Variants in TESMIN observed in about 807,000 individuals in gnomAD.
TESMIN encodes testis expressed metallothionein like protein.
Under a neutral mutation model 47.4 loss-of-function variants are expected in TESMIN, and 34 were observed. The observed-to-expected ratio is 0.72, with a 90% CI of 0.55 to 0.96. The LOEUF (loss-of-function observed/expected upper bound fraction) is 0.96, where lower values mean the gene tolerates loss of function less well. Among genes scored for constraint, TESMIN ranks in the 40% least tolerant of loss-of-function variants. TESMIN has a pLI of 0.00. For synonymous variants in TESMIN, 278 were observed against 258.9 expected (o/e 1.07, Z -0.71); for missense variants, 610 against 637.2 (o/e 0.96, Z 0.46).
chr11:68,720,548 A>C (rs944214587), intron 6 of TESMIN, among the ~76,000 whole-genome samples: 3 of 152,164 alleles, frequency 2.0e-5, no homozygotes, highest in African/African-American at 4.8e-5. Context: ...CCCAGCTTCC[A>C]GTCAGAAATC....
At chr11:68,741,263 G>A (rs36054721) in intron 5 of TESMIN, among the ~76,000 whole-genome samples, 1 of 152,200 alleles carries the variant, frequency 6.6e-6, no homozygotes, top group East Asian at 1.9e-4. Flanking sequence ...CACTATCCCA[G>A]GCCCAGTGGC....
intron 9 of TESMIN, among the ~76,000 whole-genome samples, chr11:68,709,358 G>T (rs960407726): frequency 6.6e-6 from 1 of 152,170 alleles, no homozygotes; most frequent in African/African-American, 2.4e-5. Context: ...TGTCCTCCCC[G>T]CAGGCCCACG....
At chr11:68,725,749 A>C (rs890091554) in intron 6 of TESMIN, among the ~76,000 whole-genome samples, 2 of 152,194 alleles carry the variant, frequency 1.3e-5, no homozygotes, top group Non-Finnish European at 2.9e-5. Context: ...CTGGGACTAC[A>C]GGTGTGAGCT....
At chr11:68,736,518 A>T in intron 6 of TESMIN, 1 of 985,436 alleles carries the variant, frequency 1.0e-6, no homozygotes, top group Non-Finnish European at 1.2e-6. Context: ...ACCACCAAAA[A>T]TAAATTGGTA....
chr11:68,721,426 A>G (rs1946202217), intron 6 of TESMIN, among the ~76,000 whole-genome samples: 2 of 152,060 alleles, frequency 1.3e-5, no homozygotes, highest in South Asian at 4.1e-4. Context: ...TGCTTGCTCA[A>G]CACGTCCCAC....
intron 7 of TESMIN, among the ~76,000 whole-genome samples, chr11:68,714,570 C>T (rs1946113167): frequency 6.6e-6 from 1 of 152,220 alleles, no homozygotes; most frequent in African/African-American, 2.4e-5. Context: ...CGGCTGCCTC[C>T]CTCAGATAAC....
intron 6 of TESMIN, among the ~76,000 whole-genome samples, chr11:68,726,280 C>T (rs1477002939): frequency 6.6e-6 from 1 of 152,072 alleles, no homozygotes; most frequent in African/African-American, 2.4e-5. Flanking sequence ...AGGAGGCTCA[C>T]TTCAGGTTGA....
Position 68,708,467 on chromosome 11 carries a change from C to A in TESMIN, c.1368G>T (p.Val456=), listed in dbSNP as rs1456327713. ...RPSSCISWEV[V]EATCACLLAQ... ...CAAGCAGGCAGGCGCATGTGGCCTC[C>A]ACCACCTCCCAGGAGATGCATGAGG... is the stretch of plus-strand genomic sequence containing the variant. Residue 456 remains valine, a synonymous_variant, in exon 10 of 10, where the codon GTG becomes GTT. Coordinates refer to ENST00000255087, the MANE Select transcript of TESMIN (RefSeq NM_004923.3). 6.2e-7 allele frequency: 1 copy of A among 1,612,876 alleles called. No individual in the cohort carries two copies. The highest frequency in any genetic ancestry group is 8.5e-7 in the Non-Finnish European group (1 of 1,179,432).
chr11:68,705,554 A>G (rs186575541), downstream of TESMIN, among the ~76,000 whole-genome samples: 1 of 152,202 alleles, frequency 6.6e-6, no homozygotes, highest in Non-Finnish European at 1.5e-5. Context: ...GTGTTCACTG[A>G]CAGGAAAGAG....
chr11:68,708,515 G>C lies in TESMIN; in HGVS notation c.1335-15C>G. The stretch of plus-strand genomic sequence containing the variant: ...AGGAAGGCCGCCTGTCAGAAACAGA[G>C]CAGTTAAAGGCCGCTCAACAGTGCA... On this transcript the variant is annotated splice_polypyrimidine_tract_variant and intron_variant, in intron 9 of 9. Coordinates refer to ENST00000255087, the MANE Select transcript of TESMIN (RefSeq NM_004923.3). 1 of 1,589,946 alleles carries C rather than the reference G, an allele frequency of 6.3e-7. No homozygotes were observed.
At chr11:68,736,364 C>T (rs879537268) in intron 6 of TESMIN, 50 of 985,378 alleles carry the variant, frequency 5.1e-5, no homozygotes, top group Non-Finnish European at 5.7e-5. Context: ...CTCGCACACT[C>T]AGCCTGCTGG....
intron 6 of TESMIN, among the ~76,000 whole-genome samples, chr11:68,730,416 A>G (rs1946313313): frequency 6.6e-6 from 1 of 152,274 alleles, no homozygotes. Flanking sequence ...GCTTTAAAAA[A>G]TGATGTAGCA....
At chr11:68,718,588 C>T (rs1484994594) in intron 6 of TESMIN, among the ~76,000 whole-genome samples, 1 of 152,086 alleles carries the variant, frequency 6.6e-6, no homozygotes, top group Admixed American at 6.5e-5. Flanking sequence ...AGAACATTTC[C>T]CAGAACTAAA....
At chr11:68,742,133 C>T (rs758489139) in intron 5 of TESMIN, among the ~76,000 whole-genome samples, 185 bp downstream of exon 5, 1 of 152,094 alleles carries the variant, frequency 6.6e-6, no homozygotes, top group African/African-American at 2.4e-5. Flanking sequence ...TAACTGTGTC[C>T]GAGACTGACT....
chr11:68,744,924 A>G (rs1946499397), intron 4 of TESMIN, 67 bp downstream of exon 4: 2 of 1,372,468 alleles, frequency 1.5e-6, no homozygotes, highest in Admixed American at 5.2e-5. Flanking sequence ...TTTATATACA[A>G]AGCCAAACAT....
chr11:68,730,467 T>C (rs1363136587), intron 6 of TESMIN, among the ~76,000 whole-genome samples: 1 of 152,194 alleles, frequency 6.6e-6, no homozygotes, highest in Non-Finnish European at 1.5e-5. Context: ...AAGAAAGACA[T>C]TTGTAACAGT....
chr11:68,736,664 C>T (rs1231328171), intron 6 of TESMIN: 14 of 982,332 alleles, frequency 1.4e-5, no homozygotes, highest in African/African-American at 5.3e-5. Context: ...CCTGGCACAC[C>T]GTTTACAATA....
intron 6 of TESMIN, chr11:68,738,129 A>G (rs1946409609): frequency 1.0e-6 from 1 of 986,018 alleles, no homozygotes; most frequent in Admixed American, 6.1e-5. Context: ...CAAGACAGGC[A>G]AGAAATAGCA....
intron 2 of TESMIN, 125 bp from the exon 3 acceptor site, chr11:68,747,491 G>A (rs1401672543): frequency 6.1e-6 from 5 of 822,160 alleles, no homozygotes; most frequent in Non-Finnish European, 9.6e-6. Context: ...TCTCTACTAG[G>A]CATGGTGGCA....
Sources: gnomAD v4.1 joint callset for allele counts (sites outside exome capture counted in the v4.1 genomes callset) on GRCh38, gnomAD v4.1.1 for gene constraint, MANE v1.5 for transcripts, NCBI Gene and HGNC (gene_info 2026-07-23, HGNC 2026-07-21) for gene names.